Variants in PTK7 observed in about 807,000 individuals in gnomAD.
PTK7 encodes the protein protein tyrosine kinase 7 (inactive).
Under a neutral mutation model 116.6 loss-of-function variants are expected in PTK7, and 39 were observed. That is an observed-to-expected ratio of 0.33 (90% CI 0.26 to 0.44). PTK7 has a LOEUF of 0.44. PTK7 is among the 20% of genes least tolerant of loss of function. The pLI, the probability that PTK7 is intolerant of heterozygous loss-of-function variation, is 1.00. For synonymous variants in PTK7, 546 were observed against 563.6 expected (o/e 0.97, Z 0.44); for missense variants, 1,169 against 1,425.6 (o/e 0.82, Z 2.90).
chr6:43,082,862 AC>A (rs1295445093), intron 1 of PTK7, among the ~76,000 whole-genome samples: 3 of 152,218 alleles, frequency 2.0e-5, no homozygotes, highest in South Asian at 2.1e-4. Context: ...CAGTGGAGAA[AC>A]TGGATTTGTT....
chr6:43,151,267 G>C (rs915686212), intron 17 of PTK7, among the ~76,000 whole-genome samples: 3 of 148,870 alleles, frequency 2.0e-5, no homozygotes, highest in Non-Finnish European at 4.4e-5. Context: ...CTGGAGTGCA[G>C]TGGCAGTGAT....
At chr6:43,155,182 A>G (rs1055281330) in intron 17 of PTK7, among the ~76,000 whole-genome samples, 1 of 151,912 alleles carries the variant, frequency 6.6e-6, no homozygotes, top group African/African-American at 2.4e-5. Context: ...CACGTGGTAG[A>G]TACTCAAATT....
Position 43,141,029 on chromosome 6 carries a change from C to A in PTK7, c.1619-639C>A, listed in dbSNP as rs868498141. 6.6e-6 allele frequency among the ~76,000 whole-genome samples: 1 copy of A among 152,094 alleles called. No individual in the cohort carries two copies. Among genetic ancestry groups the A allele is most frequent in the East Asian group, 1.9e-4 (1 of 5,186 alleles). ...TTGGAGATTTGGGTTGTTAACCAGC[C>A]ACCCACCCACCCCCTTTTTTTTCAT... On this transcript the variant is annotated intron_variant, in intron 10 of 19. Transcript: ENST00000230419. The surrounding 1 kb of genome is among the most constrained non-coding windows in gnomAD (Gnocchi z 4.9).
chr6:43,103,154 C>G (rs1259855358), intron 1 of PTK7, among the ~76,000 whole-genome samples: 1 of 152,174 alleles, frequency 6.6e-6, no homozygotes, highest in Non-Finnish European at 1.5e-5. Flanking sequence ...TATCCATTCA[C>G]AGAATCAATA....
rs751762189 is a variant in PTK7, at chr6:43,076,464, A to C, written c.-25A>C. ...GTCTGCGCGCCCGCCGTGCGCCCTC[A>C]GCTCCTTTTCCTGAGCCCGCCGCGA... On this transcript the variant is annotated 5_prime_UTR_variant, in exon 1 of 20. Coordinates refer to ENST00000230419, the MANE Select transcript of PTK7 (RefSeq NM_002821.5). This position sits in a 1 kb window ranked among gnomAD's most constrained non-coding sequence, Gnocchi z 5.7. The C allele has an allele frequency of 4.5e-6, 7 of 1,543,220 alleles. No individual in the cohort carries two copies. In the South Asian group the frequency reaches 8.3e-5, roughly 18 times the overall value.
intron 16 of PTK7, 95 bp from the exon 17 acceptor site, chr6:43,146,523 C>T: frequency 8.3e-7 from 1 of 1,209,204 alleles, no homozygotes; most frequent in Non-Finnish European, 1.2e-6. Flanking sequence ...TCACTGCCTC[C>T]CCAGGCAGGA....
chr6:43,089,265 T>G (rs1745840690), intron 1 of PTK7, among the ~76,000 whole-genome samples: 1 of 152,190 alleles, frequency 6.6e-6, no homozygotes, highest in African/African-American at 2.4e-5. Flanking sequence ...CTTTGGAGGT[T>G]CTCAGACTCC....
At chr6:43,116,604 TTGTGTGTGTGTGTG>T (rs751605217) in intron 1 of PTK7, among the ~76,000 whole-genome samples, 10,983 of 119,100 alleles carry the variant, frequency 0.092, 536 homozygotes, top group Non-Finnish European at 0.12. Context: ...AAAAGCTGGT[TTGTGTGTGTGTGTG>T]TGTGTGTGTG....
intron 17 of PTK7, among the ~76,000 whole-genome samples, chr6:43,154,554 C>T (rs899912640): frequency 1.3e-5 from 2 of 151,442 alleles, no homozygotes; most frequent in African/African-American, 4.9e-5. Flanking sequence ...TTTCTATTCC[C>T]TTTTTTTTTC....
chr6:43,157,358 ATATATATTTTTTTTTTTCT>A (rs1771536627), intron 17 of PTK7, among the ~76,000 whole-genome samples: 9 of 3,754 alleles, frequency 2.4e-3, no homozygotes, highest in African/African-American at 6.1e-3. Flanking sequence ...ATATATATAT[ATATATATTTTTTTTTTTCT>A]TTTTTTTTTT....
At position 43,132,431 on chromosome 6, in the gene PTK7, C is replaced by T. The variant is rs775202927; in HGVS notation, c.972C>T (p.Asp324=). The change falls in exon 7 of 20, where the codon GAC becomes GAT. Residue 324 remains aspartate (D), a synonymous_variant. Transcript: ENST00000230419. Reference sequence around the variant, plus strand: ...CTTATGTCCTTGCAGAGATTGAAGACATGCCGCTATTTGAGCCACGGGTGT... The same window carrying T: ...CTTATGTCCTTGCAGAGATTGAAGATATGCCGCTATTTGAGCCACGGGTGT... ...EATLHLAEIE[D]MPLFEPRVFT... 1.9e-6 allele frequency: 3 copies of T among 1,575,358 alleles called. No homozygotes were observed. Among genetic ancestry groups the T allele is most frequent in the Non-Finnish European group, 2.6e-6 (3 of 1,155,510 alleles).
At chr6:43,114,992 A>C (rs1768422997) in intron 1 of PTK7, among the ~76,000 whole-genome samples, 1 of 151,884 alleles carries the variant, frequency 6.6e-6, no homozygotes, top group African/African-American at 2.4e-5. Context: ...CAGTGAGCCG[A>C]GATCTTGCCA....
At chr6:43,156,307 A>T (rs1771429519) in intron 17 of PTK7, among the ~76,000 whole-genome samples, 1 of 151,608 alleles carries the variant, frequency 6.6e-6, no homozygotes, top group South Asian at 2.1e-4. Flanking sequence ...CCAGTGATTT[A>T]AAAAAATTAA....
rs748278641 is a variant in PTK7 at position 43,129,678 on chromosome 6, C to T, written c.368-49C>T. ...TTGTCCTCCTTGCCCTCTGCCTTCCCGCCTTTGCCCTGCTCTGCCCCTCAC... is the reference window on the plus strand; with the variant it reads ...TTGTCCTCCTTGCCCTCTGCCTTCCTGCCTTTGCCCTGCTCTGCCCCTCAC... On this transcript the variant is annotated intron_variant, in intron 2 of 19. Transcript: ENST00000230419. This position sits in a 1 kb window ranked among gnomAD's most constrained non-coding sequence, Gnocchi z 4.5. 2.7e-5 allele frequency: 41 copies of T among 1,536,038 alleles called. No homozygotes were observed. Among genetic ancestry groups the T allele is most frequent in the South Asian group, 5.6e-5 (5 of 89,478 alleles).
intron 1 of PTK7, among the ~76,000 whole-genome samples, chr6:43,107,333 G>A (rs1322629092): frequency 1.3e-5 from 2 of 152,188 alleles, no homozygotes; most frequent in Non-Finnish European, 2.9e-5. Flanking sequence ...CGTTATGATA[G>A]ACTTTCCTCA....
At chr6:43,084,708 C>T (rs17733031) in intron 1 of PTK7, among the ~76,000 whole-genome samples, 150 of 152,142 alleles carry the variant, frequency 9.9e-4, no homozygotes, top group Non-Finnish European at 1.9e-3. Context: ...TGAAAGACAC[C>T]ATTTGGTAAA....
At chr6:43,137,801 A>G (rs1437809301) in intron 7 of PTK7, among the ~76,000 whole-genome samples, 1 of 151,874 alleles carries the variant, frequency 6.6e-6, no homozygotes, top group African/African-American at 2.4e-5. Flanking sequence ...TATTATTGTT[A>G]TTATTATTTT....
intron 1 of PTK7, among the ~76,000 whole-genome samples, chr6:43,079,184 G>T (rs1018052003): frequency 6.6e-6 from 1 of 152,210 alleles, no homozygotes; most frequent in South Asian, 2.1e-4. Context: ...ATCCAAGGGT[G>T]CGGCCAGGCC....
chr6:43,159,691 C>A, intron 18 of PTK7, 97 bp from the exon 19 acceptor site: 1 of 1,295,392 alleles, frequency 7.7e-7, no homozygotes, highest in Non-Finnish European at 1.1e-6. Context: ...AAGGCTGGGC[C>A]CCCGGCTTGG....
Sources: gnomAD v4.1 joint callset for allele counts (sites outside exome capture counted in the v4.1 genomes callset) on GRCh38, gnomAD v4.1.1 for gene constraint, Gnocchi (gnomAD v3.1) non-coding constraint, MANE v1.5 for transcripts, NCBI Gene and HGNC (gene_info 2026-07-23, HGNC 2026-07-21) for gene names.